ARHGAP42: variants seen among roughly 807,000 people sequenced by gnomAD.
The protein encoded by ARHGAP42 is Rho GTPase activating protein 42.
Under a neutral mutation model 125.0 loss-of-function variants are expected in ARHGAP42, and 63 were observed. The observed-to-expected ratio is 0.50, with a 90% CI of 0.41 to 0.62. The LOEUF (loss-of-function observed/expected upper bound fraction) is 0.62. Ranked by LOEUF, ARHGAP42 falls within the 20% of genes least tolerant of loss-of-function variation. ARHGAP42 has a pLI of 0.00. For synonymous variants in ARHGAP42, 339 were observed against 351.0 expected (o/e 0.97, Z 0.38); for missense variants, 766 against 1,024.2 (o/e 0.75, Z 3.44).
At chr11:100,859,271 A>G (rs1259089447) in intron 3 of ARHGAP42, 5 of 291,170 alleles carry the variant, frequency 1.7e-5, no homozygotes, top group African/African-American at 4.4e-5. Flanking sequence ...GCTATTTCTT[A>G]GTTAAGTCTT....
chr11:100,939,638 C>T (rs1867824264), intron 8 of ARHGAP42, among the ~76,000 whole-genome samples: 1 of 152,110 alleles, frequency 6.6e-6, no homozygotes, highest in Admixed American at 6.6e-5. Context: ...ATCTCAGCAA[C>T]CTTAAATGAT....
At chr11:100,912,676 T>C (rs1018190441) in intron 4 of ARHGAP42, among the ~76,000 whole-genome samples, 3 of 152,160 alleles carry the variant, frequency 2.0e-5, no homozygotes, top group Non-Finnish European at 4.4e-5. Flanking sequence ...TTCCCTTCAA[T>C]ATTTCATTCC....
At chr11:100,824,270 A>G (rs1458628801) in intron 3 of ARHGAP42, among the ~76,000 whole-genome samples, 1 of 152,144 alleles carries the variant, frequency 6.6e-6, no homozygotes, top group East Asian at 1.9e-4. Flanking sequence ...ACATGCTTAC[A>G]TAGATTGTGT....
intron 3 of ARHGAP42, among the ~76,000 whole-genome samples, chr11:100,811,100 C>T (rs1390671436): frequency 1.3e-5 from 2 of 152,096 alleles, no homozygotes; most frequent in Admixed American, 1.3e-4. Flanking sequence ...GCATTACAGG[C>T]ATGCGCCACC....
intron 2 of ARHGAP42, among the ~76,000 whole-genome samples, chr11:100,773,284 A>C (rs1863025285): frequency 6.6e-6 from 1 of 152,142 alleles, no homozygotes; most frequent in African/African-American, 2.4e-5. Context: ...TTTTCCTTAT[A>C]AACTTTAATA....
Position 100,977,099 on chromosome 11 carries a change from A to G in ARHGAP42, c.2393+128A>G, listed in dbSNP as rs1591335730. 3 of 569,654 alleles carry G rather than the reference A, an allele frequency of 5.3e-6. No homozygotes were observed. The highest frequency in any genetic ancestry group is 7.5e-4 in the Middle Eastern group (2 of 2,656). 35.3% of individuals were successfully genotyped at this position (569,654 alleles called of 1,614,324 possible). On this transcript the variant is annotated intron_variant, in intron 21 of 23. Transcript: ENST00000298815. ...AATACTTTATCTGTAGAGTGGGTAC[A>G]GTCCACTTCTGTAAGACTCTATTCT...
chr11:100,815,396 GA>G (rs1864245081), intron 3 of ARHGAP42, among the ~76,000 whole-genome samples: 1 of 152,162 alleles, frequency 6.6e-6, no homozygotes, highest in African/African-American at 2.4e-5. Flanking sequence ...GTGTGAAAGA[GA>G]AATAGAGTCT....
chr11:100,723,553 G>A (rs1448950906), intron 1 of ARHGAP42, among the ~76,000 whole-genome samples: 2 of 151,706 alleles, frequency 1.3e-5, no homozygotes, highest in East Asian at 3.9e-4. Flanking sequence ...AAATGATGTT[G>A]AGTTTTAAAT....
intron 4 of ARHGAP42, among the ~76,000 whole-genome samples, chr11:100,876,809 C>T (rs1865833122): frequency 6.6e-6 from 1 of 152,170 alleles, no homozygotes; most frequent in African/African-American, 2.4e-5. Context: ...CTTAATACAG[C>T]TTCTTACTGT....
intron 1 of ARHGAP42, among the ~76,000 whole-genome samples, chr11:100,720,264 C>A (rs1334991024): frequency 6.6e-6 from 1 of 152,072 alleles, no homozygotes; most frequent in East Asian, 1.9e-4. Context: ...GATGATCTGG[C>A]AGAATTAAAT....
At chr11:100,730,365 A>G (rs1861935772) in intron 1 of ARHGAP42, among the ~76,000 whole-genome samples, 1 of 152,202 alleles carries the variant, frequency 6.6e-6, no homozygotes. Context: ...CCGCAGAGGT[A>G]TGCATGGCTA....
chr11:100,920,450 A>C (rs775700121), intron 5 of ARHGAP42, among the ~76,000 whole-genome samples: 18 of 152,150 alleles, frequency 1.2e-4, no homozygotes, highest in Non-Finnish European at 1.9e-4. Flanking sequence ...TTTGTTTGTG[A>C]AACCACCATT....
intron 2 of ARHGAP42, among the ~76,000 whole-genome samples, chr11:100,791,558 T>A (rs1453088987): frequency 6.6e-6 from 1 of 152,080 alleles, no homozygotes; most frequent in Non-Finnish European, 1.5e-5. Context: ...CTTTTTTTTT[T>A]AATAGAACAA....
intron 3 of ARHGAP42, among the ~76,000 whole-genome samples, chr11:100,856,737 A>G (rs1865331125): frequency 6.6e-6 from 1 of 152,084 alleles, no homozygotes. Flanking sequence ...CATTTGGGGG[A>G]AACTATAAGA....
intron 4 of ARHGAP42, among the ~76,000 whole-genome samples, chr11:100,904,697 C>T (rs569333287): frequency 1.3e-3 from 203 of 152,238 alleles, no homozygotes; most frequent in Non-Finnish European, 2.4e-3. Flanking sequence ...TAATCTTTTG[C>T]TTCCTTAGGT....
intron 3 of ARHGAP42, among the ~76,000 whole-genome samples, chr11:100,815,410 A>G (rs1031758858): frequency 6.6e-6 from 1 of 152,196 alleles, no homozygotes; most frequent in Admixed American, 6.5e-5. Flanking sequence ...TAGAGTCTAC[A>G]TGCATGGAAT....
At chr11:100,954,407 C>CA (rs1353929130) in intron 12 of ARHGAP42, among the ~76,000 whole-genome samples, 1 of 152,128 alleles carries the variant, frequency 6.6e-6, no homozygotes, top group Non-Finnish European at 1.5e-5. Flanking sequence ...AGTCCTTATA[C>CA]AAAATTGAAG....
At chr11:100,696,538 A>G (rs934345285) in intron 1 of ARHGAP42, among the ~76,000 whole-genome samples, 1 of 152,010 alleles carries the variant, frequency 6.6e-6, no homozygotes, top group Non-Finnish European at 1.5e-5. Context: ...TCTTTTTAGT[A>G]GAGATGGGGT....
intron 1 of ARHGAP42, among the ~76,000 whole-genome samples, chr11:100,706,664 C>T (rs931117072): frequency 6.6e-5 from 10 of 152,134 alleles, no homozygotes; most frequent in Non-Finnish European, 1.5e-4. Flanking sequence ...CAAAGCTTTG[C>T]ATTTTCAAGA....
Sources: gnomAD v4.1 joint callset for allele counts (sites outside exome capture counted in the v4.1 genomes callset) on GRCh38, gnomAD v4.1.1 for gene constraint, MANE v1.5 for transcripts, NCBI Gene and HGNC (gene_info 2026-07-23, HGNC 2026-07-21) for gene names.